The following DMTN variants were observed in gnomAD, a reference collection of about 807,000 sequenced individuals.
DMTN encodes dematin.
A neutral mutation model predicts 59.4 loss-of-function variants in DMTN; 27 were observed. The observed-to-expected ratio is 0.45, with a 90% confidence interval of 0.33 to 0.63. DMTN has a LOEUF of 0.63. Among genes scored for constraint, DMTN ranks in the 20% least tolerant of loss-of-function variants. The pLI, the probability that DMTN is intolerant of heterozygous loss-of-function variation, is 0.02. For missense variants in DMTN, 451 were observed against 528.9 expected, an observed-to-expected ratio of 0.85 and a Z score of 1.45; for synonymous variants, 221 against 203.7, an observed-to-expected ratio of 1.08 and a Z score of -0.72.
chr8:22,049,335 C>G (rs1184627447), upstream of DMTN: 1 of 150,782 alleles, frequency 6.6e-6, no homozygotes, highest in Admixed American at 6.6e-5. Flanking sequence ...GGGGCCACAC[C>G]TGAGGGCAAA....
At chr8:22,067,795 G>C in intron 4 of DMTN, 113 bp downstream of exon 4, 3 of 1,304,264 alleles carry the variant, frequency 2.3e-6, no homozygotes, top group Non-Finnish European at 3.1e-6. Context: ...GGCAAAACAA[G>C]AGAGGGAACT....
chr8:22,073,893 T>C (rs1586070819), intron 10 of DMTN, 58 bp downstream of exon 10: 2 of 1,431,912 alleles, frequency 1.4e-6, no homozygotes, highest in East Asian at 2.3e-5. Context: ...CCTGACTCTG[T>C]GCATCTGTTG....
chr8:22,068,242 A>G (rs1016199375), intron 4 of DMTN, among the ~76,000 whole-genome samples: 1 of 152,104 alleles, frequency 6.6e-6, no homozygotes, highest in Non-Finnish European at 1.5e-5. Context: ...TGTCTCTTCT[A>G]TTTGTTTTGA....
chr8:22,052,996 T>C (rs866298424), upstream of DMTN, among the ~76,000 whole-genome samples: 1 of 152,122 alleles, frequency 6.6e-6, no homozygotes, highest in Admixed American at 6.5e-5. Flanking sequence ...GCCAGGGTGC[T>C]TGCGGGGGCT....
chr8:22,072,631 ATT>A (rs61068593), intron 9 of DMTN, among the ~76,000 whole-genome samples, 181 bp downstream of exon 9: 7 of 130,796 alleles, frequency 5.4e-5, no homozygotes, highest in African/African-American at 2.0e-4. Flanking sequence ...CGCCCAGCTA[ATT>A]TTTTTTTTTT....
At chr8:22,053,739 A>G (rs1801616388), upstream of DMTN, 1 of 152,352 alleles carries the variant, frequency 6.6e-6, no homozygotes, top group Non-Finnish European at 1.5e-5. Context: ...CGTGTTGTGG[A>G]CACAAGCGCC....
intron 10 of DMTN, among the ~76,000 whole-genome samples, chr8:22,074,941 C>G (rs547798723): frequency 6.6e-6 from 1 of 152,216 alleles, no homozygotes; most frequent in East Asian, 1.9e-4. Flanking sequence ...GTTGTCCTAG[C>G]ACTTTGGGAG....
At position 22,080,229 on chromosome 8, in the gene DMTN, G is replaced by A. The variant is rs1823231752; in HGVS notation, c.885G>A (p.Arg295=). ...SKSSSLPAYG[R]TTLSRLQSTE... ...CTTCCTCTCTCCCCGCCTATGGCAGGACCACCCTGAGCCGGGTAAGGTCTC... is the reference window on the plus strand; with the variant it reads ...CTTCCTCTCTCCCCGCCTATGGCAGAACCACCCTGAGCCGGGTAAGGTCTC... The change falls in exon 11 of 16, where the codon AGG becomes AGA. Residue 295 remains arginine (R), a synonymous_variant. Coordinates refer to ENST00000358242, the MANE Select transcript of DMTN (RefSeq NM_001387751.1). 1.2e-6 allele frequency: 2 copies of A among 1,614,218 alleles called. No homozygotes were observed. Among genetic ancestry groups the A allele is most frequent in the Non-Finnish European group, 1.7e-6 (2 of 1,180,052 alleles).
In DMTN at chr8:22,081,040, G is replaced by A. The variant is rs1314949805; in HGVS notation, c.1024-73G>A. On this transcript the variant is annotated intron_variant, in intron 14 of 15. Coordinates refer to ENST00000358242, the MANE Select transcript of DMTN (RefSeq NM_001387751.1). ...TGAACCCCAGTGGCCTCTGCAGGTT[G>A]ATGTGGGAGGCCTAGGGAGTCGAAG... The A allele has an allele frequency of 2.0e-6, 3 of 1,528,134 alleles. No homozygotes were observed. The African/African-American group carries it at 4.1e-5, about 21-fold the overall frequency. 94.7% of individuals were successfully genotyped at this position (1,528,134 alleles called of 1,614,324 possible). A position where few individuals can be genotyped will look rare whatever the true frequency, so the allele number is the denominator to read the frequency against.
chr8:22,071,872 G>A (rs1040984175), intron 8 of DMTN, among the ~76,000 whole-genome samples: 5 of 151,990 alleles, frequency 3.3e-5, no homozygotes, highest in Non-Finnish European at 7.4e-5. Flanking sequence ...GAGTCCCCGC[G>A]CCCGGCCTAT....
intron 10 of DMTN, among the ~76,000 whole-genome samples, chr8:22,078,802 T>TTTTTTTTG (rs1554561402): frequency 4.2e-5 from 5 of 119,536 alleles, no homozygotes; most frequent in African/African-American, 9.5e-5. Flanking sequence ...CAGACTGTTT[T>TTTTTTTTG]TTTTTTTTTT....
chr8:22,056,741 G>A (rs1396918539), upstream of DMTN, among the ~76,000 whole-genome samples: 2 of 152,182 alleles, frequency 1.3e-5, no homozygotes, highest in African/African-American at 2.4e-5. Context: ...CCAGCCACAC[G>A]CTATCAGCTG....
chr8:22,080,678 A>G lies in DMTN; in HGVS notation c.957+53A>G, dbSNP rs1586240674. On this transcript the variant is annotated intron_variant, in intron 13 of 15. Coordinates refer to ENST00000358242, the MANE Select transcript of DMTN (RefSeq NM_001387751.1). ...AGAGCAGCAGAAGCTGGGTCCTGGC[A>G]CCCGAAAGTGTCAGGGGAAGGGGGG... The G allele has an allele frequency of 1.9e-6, 3 of 1,588,762 alleles. No individual in the cohort carries two copies. The East Asian group carries it at 6.8e-5, about 36-fold the overall frequency.
In DMTN at chr8:22,058,684, C is replaced by G. The variant is rs572043160; in HGVS notation, c.-172+1548C>G. ...ACCCACCCAGGCCTGGTCCTTTATC[C>G]GAGTATGAGAGGGTGCCCTGTAGTG... On this transcript the variant is annotated intron_variant, in intron 1 of 15. Transcript: ENST00000358242. This position sits in a 1 kb window ranked among gnomAD's most constrained non-coding sequence, Gnocchi z 4.3. Among the ~76,000 whole-genome samples, 8 of 151,858 alleles carry G rather than the reference C, an allele frequency of 5.3e-5. No homozygotes were observed. The highest frequency in any genetic ancestry group is 1.3e-4 in the Admixed American group (2 of 15,268).
In DMTN at chr8:22,080,412, C is replaced by T. The variant is rs752462871; in HGVS notation, c.901C>T (p.Leu301=). The T allele has an allele frequency of 5.6e-6, 9 of 1,614,248 alleles. No individual in the cohort carries two copies. The South Asian group carries it at 9.9e-5, about 18-fold the overall frequency. Residue 301 remains leucine (L), a splice_region_variant and synonymous_variant, in exon 12 of 16, where the codon CTA becomes TTA. Transcript: ENST00000358242. ...PAYGRTTLSR[L]QSTEFSPSGS... is the part of the protein sequence containing the mutation. ...TCTGATTCCTTTGTGTCCTTTCTAGCTACAGTCCACAGAGTTCAGCCCATC... is the reference window on the plus strand; with the variant it reads ...TCTGATTCCTTTGTGTCCTTTCTAGTTACAGTCCACAGAGTTCAGCCCATC...
rs561959500 is a variant in DMTN at position 22,058,969 on chromosome 8, T to C, written c.-172+1833T>C. Reference sequence around the variant, plus strand: ...CCCTACCCCACCCACATCACACGCATGCACAGCACCCATGGGAGCGCCTGG... The same window carrying C: ...CCCTACCCCACCCACATCACACGCACGCACAGCACCCATGGGAGCGCCTGG... On this transcript the variant is annotated intron_variant, in intron 1 of 15. Coordinates refer to ENST00000358242, the MANE Select transcript of DMTN (RefSeq NM_001387751.1). The surrounding 1 kb of genome is among the most constrained non-coding windows in gnomAD (Gnocchi z 4.3). Among the ~76,000 whole-genome samples the C allele has an allele frequency of 6.6e-6, 1 of 152,066 alleles. No individual in the cohort carries two copies. Among genetic ancestry groups the C allele is most frequent in the Non-Finnish European group, 1.5e-5 (1 of 68,006 alleles).
At chr8:22,059,036 C>G (rs563799265) in intron 1 of DMTN, 1 of 152,686 alleles carries the variant, frequency 6.5e-6, no homozygotes, top group South Asian at 2.1e-4. Flanking sequence ...CTCCCTGCCC[C>G]TCCCCACCCA....
At chr8:22,048,984 C>T (rs1481584380), upstream of DMTN, 1 of 148,436 alleles carries the variant, frequency 6.7e-6, no homozygotes, top group South Asian at 2.1e-4. This position sits in a 1 kb window ranked among gnomAD's most constrained non-coding sequence, Gnocchi z 6.9. Context: ...GCCGGGCGGC[C>T]CCTCCCTGGC....
chr8:22,073,838 G>A lies in DMTN; in HGVS notation c.835+3G>A. Reference sequence around the variant, plus strand: ...TGACCGGACACCCTTCCATACCTGTGAGTGCTGTGGAGGGGGCTCAGAGTC... The same window carrying A: ...TGACCGGACACCCTTCCATACCTGTAAGTGCTGTGGAGGGGGCTCAGAGTC... On this transcript the variant is annotated splice_donor_region_variant and intron_variant, in intron 10 of 15. Coordinates refer to ENST00000358242, the MANE Select transcript of DMTN (RefSeq NM_001387751.1). The A allele has an allele frequency of 1.9e-6, 3 of 1,613,228 alleles. No homozygotes were observed. The highest frequency in any genetic ancestry group is 2.5e-6 in the Non-Finnish European group (3 of 1,179,386).
Sources: gnomAD v4.1 joint callset for allele counts (sites outside exome capture counted in the v4.1 genomes callset) on GRCh38, gnomAD v4.1.1 for gene constraint, Gnocchi (gnomAD v3.1) non-coding constraint, MANE v1.5 for transcripts, NCBI Gene and HGNC (gene_info 2026-07-23, HGNC 2026-07-21) for gene names.